ACMSD: variants seen among roughly 807,000 people sequenced by gnomAD.
The protein encoded by ACMSD is aminocarboxymuconate semialdehyde decarboxylase.
ACMSD carries 37 observed loss-of-function variants against 45.9 expected under a neutral mutation model. That is an observed-to-expected ratio of 0.81 (90% CI 0.62 to 1.06). The LOEUF (loss-of-function observed/expected upper bound fraction) is 1.06. Among genes scored for constraint, ACMSD ranks in the 50% least tolerant of loss-of-function variants. ACMSD has a pLI of 0.00. For missense variants in ACMSD, 434 were observed against 420.9 expected (o/e 1.03, Z -0.27); for synonymous variants, 138 against 148.8 (o/e 0.93, Z 0.53).
intron 2 of ACMSD, among the ~76,000 whole-genome samples, chr2:134,855,115 G>A (rs1004366942): frequency 6.6e-6 from 1 of 151,334 alleles, no homozygotes; most frequent in Non-Finnish European, 1.5e-5. Flanking sequence ...TATCCTATTT[G>A]TGCAATCATT....
chr2:134,857,020 G>A (rs1232073821), intron 2 of ACMSD, among the ~76,000 whole-genome samples: 6 of 151,980 alleles, frequency 3.9e-5, no homozygotes, highest in Admixed American at 2.0e-4. Context: ...TTCAATCCAC[G>A]AACATGGGAT....
chr2:134,887,351 A>G (rs1182968732), intron 8 of ACMSD, among the ~76,000 whole-genome samples: 1 of 152,224 alleles, frequency 6.6e-6, no homozygotes, highest in Admixed American at 6.5e-5. Flanking sequence ...GGCATAAGGA[A>G]AGACAAATAG....
intron 1 of ACMSD, among the ~76,000 whole-genome samples, chr2:134,842,019 T>C (rs1456388138): frequency 1.3e-5 from 2 of 152,198 alleles, no homozygotes; most frequent in Non-Finnish European, 2.9e-5. Context: ...TTCATCCACT[T>C]TGATTCATAC....
chr2:134,889,463 C>T (rs1434793449), intron 8 of ACMSD, among the ~76,000 whole-genome samples: 1 of 152,038 alleles, frequency 6.6e-6, no homozygotes, highest in Non-Finnish European at 1.5e-5. Flanking sequence ...GTACGGTCAG[C>T]CCTCTGTATT....
At position 134,871,013 on chromosome 2, in the gene ACMSD, G is replaced by A. The variant is rs763984016; in HGVS notation, c.629G>A (p.Gly210Glu). Reference sequence around the variant, plus strand: ...GCCATTTGCTCCATGATCATGGGTGGAGTATTTGAGAAGTTTCCCAAACTG... The same window carrying A: ...GCCATTTGCTCCATGATCATGGGTGAAGTATTTGAGAAGTTTCCCAAACTG... The part of the protein sequence containing the change: ...TIAICSMIMG[G>E]VFEKFPKLKV... The change falls in exon 7 of 10, where the codon GGA becomes GAA. Residue 210 changes from glycine to glutamate, a missense_variant. Physicochemically the swap from Gly to Glu is moderately conservative, Grantham distance 98. Coordinates refer to ENST00000356140, the MANE Select transcript of ACMSD (RefSeq NM_138326.3). 1 of 1,614,104 alleles carries A rather than the reference G, an allele frequency of 6.2e-7. No individual in the cohort carries two copies. The highest frequency in any genetic ancestry group is 8.5e-7 in the Non-Finnish European group (1 of 1,180,028).
In ACMSD at chr2:134,857,501, C is replaced by T. The variant is rs535343844; in HGVS notation, c.103-1760C>T. 1.3e-5 allele frequency among the ~76,000 whole-genome samples: 2 copies of T among 152,168 alleles called. 1 individual carries two copies. The highest frequency in any genetic ancestry group is 4.1e-4 in the South Asian group (2 of 4,822). On this transcript the variant is annotated intron_variant, in intron 2 of 9. Transcript: ENST00000356140. ...ATATCTTTTGCAGATTGTTAACATACAGAAATGCTATGGGCTTTTATATAT... is the reference window on the plus strand; with the variant it reads ...ATATCTTTTGCAGATTGTTAACATATAGAAATGCTATGGGCTTTTATATAT...
intron 8 of ACMSD, among the ~76,000 whole-genome samples, chr2:134,879,416 TC>T (rs1688918353): frequency 6.6e-6 from 1 of 152,198 alleles, no homozygotes; most frequent in Non-Finnish European, 1.5e-5. Context: ...ACTAATCAGT[TC>T]CAAAGCCACT....
chr2:134,890,642 A>G (rs1414863206), intron 8 of ACMSD, among the ~76,000 whole-genome samples: 1 of 152,020 alleles, frequency 6.6e-6, no homozygotes, highest in Non-Finnish European at 1.5e-5. Flanking sequence ...TTTTTAGGAA[A>G]TAAACACTAA....
intron 8 of ACMSD, among the ~76,000 whole-genome samples, chr2:134,889,405 G>A (rs1482808528): frequency 6.6e-6 from 1 of 152,134 alleles, no homozygotes; most frequent in South Asian, 2.1e-4. Context: ...TTCCAAGACA[G>A]AGAAAGTATA....
intron 2 of ACMSD, among the ~76,000 whole-genome samples, chr2:134,856,811 T>C (rs1424360489): frequency 6.6e-6 from 1 of 152,238 alleles, no homozygotes; most frequent in African/African-American, 2.4e-5. Flanking sequence ...TTTCCTTTAC[T>C]GTGCAAAAGG....
intron 8 of ACMSD, among the ~76,000 whole-genome samples, chr2:134,888,794 C>T (rs2104941375): frequency 6.6e-6 from 1 of 151,846 alleles, no homozygotes; most frequent in East Asian, 1.9e-4. Flanking sequence ...AGAGGCAAAA[C>T]TAGTCTACGG....
chr2:134,858,018 T>A (rs1297178707), intron 2 of ACMSD: 2 of 152,046 alleles, frequency 1.3e-5, no homozygotes, highest in African/African-American at 4.8e-5. Context: ...GATCCAGCAA[T>A]TCTACTTCTG....
chr2:134,853,643 A>C (rs1192127482), intron 2 of ACMSD, among the ~76,000 whole-genome samples: 1 of 152,118 alleles, frequency 6.6e-6, no homozygotes, highest in Non-Finnish European at 1.5e-5. Flanking sequence ...CTGAATGTAA[A>C]GCGACAGAGA....
chr2:134,868,454 T>TC (rs1209329632), intron 6 of ACMSD, among the ~76,000 whole-genome samples: 17 of 147,772 alleles, frequency 1.2e-4, no homozygotes, highest in South Asian at 4.3e-4. Flanking sequence ...TTTTTTTCTT[T>TC]TTTTTTTTTT....
chr2:134,885,410 AAT>A lies in ACMSD; in HGVS notation c.849+12776_849+12777del, dbSNP rs1204251598. Among the ~76,000 whole-genome samples, 77 of 122,762 alleles carry A rather than the reference AAT, an allele frequency of 6.3e-4. 2 individuals are homozygous for A. The highest frequency in any genetic ancestry group is 2.0e-3 in the South Asian group (9 of 4,482). The allele number at this position is 122,762 out of a possible 152,430, so 80.5% of individuals were successfully genotyped here. A position where few individuals can be genotyped will look rare whatever the true frequency, so the allele number is the denominator to read the frequency against. On this transcript the variant is annotated intron_variant, in intron 8 of 9. Transcript: ENST00000356140. ...TGTAAATATATATATTTATATATAA[AAT>A]ATATATGTAAATATATATAATATAT...
Position 134,861,962 on chromosome 2 carries a change from T to C in ACMSD, c.200-7T>C, listed in dbSNP as rs772208512. On this transcript the variant is annotated splice_polypyrimidine_tract_variant and splice_region_variant and intron_variant, in intron 3 of 9. Transcript: ENST00000356140. ...CCAGCTTTGCCCTTCTTTGTGTCCA[T>C]GTCTAGGAGTAACAGTGCAAGCCCT... 4 of 1,614,032 alleles carry C rather than the reference T, an allele frequency of 2.5e-6. No individual in the cohort carries two copies. Among genetic ancestry groups the C allele is most frequent in the African/African-American group, 1.3e-5 (1 of 74,916 alleles).
rs1043484648 is a variant in ACMSD at position 134,864,027 on chromosome 2, G to A, written c.486+396G>A. Among the ~76,000 whole-genome samples, 9 of 151,924 alleles carry A rather than the reference G, an allele frequency of 5.9e-5. No homozygotes were observed. The East Asian group carries it at 1.3e-3, about 23-fold the overall frequency. On this transcript the variant is annotated intron_variant, in intron 5 of 9. Transcript: ENST00000356140. The stretch of plus-strand genomic sequence containing the variant: ...CTCACACCTGTAATCCCAGCACTTC[G>A]GGAGGCCCAGGTGGGCGGATCACTT...
At chr2:134,864,861 G>C (rs1020272430) in intron 5 of ACMSD, among the ~76,000 whole-genome samples, 1 of 152,100 alleles carries the variant, frequency 6.6e-6, no homozygotes, top group Non-Finnish European at 1.5e-5. Flanking sequence ...ATCTCCATCA[G>C]TCTTCTTCTT....
rs769361173 is a variant in ACMSD, at chr2:134,844,587, T to C, written c.58-646T>C. 6.5e-5 allele frequency: 10 copies of C among 153,604 alleles called. 1 individual carries two copies. The highest frequency in any genetic ancestry group is 6.8e-3 in the Middle Eastern group (2 of 294). The allele number at this position is 153,604 out of a possible 1,614,324, so 9.5% of individuals were successfully genotyped here. ...CTCCCTCAATTATCTGTTAAGGGCG[T>C]TGGGCCAAGGGGATGCAGGGGGCTA... is the stretch of plus-strand genomic sequence containing the variant. On this transcript the variant is annotated intron_variant, in intron 1 of 9. Coordinates refer to ENST00000356140, the MANE Select transcript of ACMSD (RefSeq NM_138326.3).
Sources: gnomAD v4.1 joint callset for allele counts (sites outside exome capture counted in the v4.1 genomes callset) on GRCh38, gnomAD v4.1.1 for gene constraint, MANE v1.5 for transcripts, NCBI Gene and HGNC (gene_info 2026-07-23, HGNC 2026-07-21) for gene names.